The following GPC5 variants were observed in gnomAD, a reference collection of about 807,000 sequenced individuals.
The protein encoded by GPC5 is glypican-5.
In GPC5, 47 loss-of-function variants were observed where a neutral mutation model predicts 53.9. That is an observed-to-expected ratio of 0.87 (90% CI 0.69 to 1.11). The LOEUF is 1.11. GPC5 is among the 50% of genes most tolerant of loss of function. GPC5 has a pLI of 0.00. For missense variants in GPC5, 748 were observed against 713.1 expected, an observed-to-expected ratio of 1.05 and a Z score of -0.56; for synonymous variants, 286 against 263.3, an observed-to-expected ratio of 1.09 and a Z score of -0.84.
chr13:91,735,577 T>C (rs2036796733), intron 4 of GPC5, among the ~76,000 whole-genome samples: 1 of 151,460 alleles, frequency 6.6e-6, no homozygotes, highest in Admixed American at 6.6e-5. Flanking sequence ...AAATATAGTA[T>C]CTTTTTGTTG....
At chr13:92,300,243 A>G (rs2043066414) in intron 7 of GPC5, among the ~76,000 whole-genome samples, 1 of 152,068 alleles carries the variant, frequency 6.6e-6, no homozygotes, top group South Asian at 2.1e-4. Context: ...ACATTGCAAA[A>G]CACACTGCAC....
intron 2 of GPC5, among the ~76,000 whole-genome samples, chr13:91,490,218 G>A (rs970057046): frequency 2.6e-5 from 4 of 152,118 alleles, no homozygotes; most frequent in Non-Finnish European, 4.4e-5. Context: ...ATGATGGATG[G>A]AAATAGAATT....
chr13:92,442,575 T>C (rs1877618037), intron 7 of GPC5, among the ~76,000 whole-genome samples: 1 of 152,198 alleles, frequency 6.6e-6, no homozygotes, highest in Non-Finnish European at 1.5e-5. Context: ...TACCAGGATA[T>C]AGGATTCTTC....
At chr13:92,680,241 T>G (rs1887072853) in intron 7 of GPC5, among the ~76,000 whole-genome samples, 1 of 152,200 alleles carries the variant, frequency 6.6e-6, no homozygotes, top group Non-Finnish European at 1.5e-5. Flanking sequence ...CTTTTGTTAC[T>G]CTTATATCAA....
intron 2 of GPC5, among the ~76,000 whole-genome samples, chr13:91,507,795 T>C (rs1885021061): frequency 6.6e-6 from 1 of 152,204 alleles, no homozygotes; most frequent in South Asian, 2.1e-4. Flanking sequence ...TAGCAGTATA[T>C]TTGTGAGTCA....
At chr13:92,226,431 T>G (rs1389392617) in intron 7 of GPC5, among the ~76,000 whole-genome samples, 1 of 152,166 alleles carries the variant, frequency 6.6e-6, no homozygotes, top group Non-Finnish European at 1.5e-5. Flanking sequence ...GTTATACACC[T>G]ACAACTTTAA....
At chr13:91,405,701 CT>C (rs755312466) in intron 1 of GPC5, among the ~76,000 whole-genome samples, 1 of 152,132 alleles carries the variant, frequency 6.6e-6, no homozygotes, top group Non-Finnish European at 1.5e-5. Context: ...GGCATGTGAT[CT>C]GTGCAGTCAA....
intron 6 of GPC5, among the ~76,000 whole-genome samples, chr13:91,975,644 G>T (rs2040292912): frequency 6.6e-6 from 1 of 152,194 alleles, no homozygotes; most frequent in African/African-American, 2.4e-5. Flanking sequence ...AGGATGTGGA[G>T]AAATAGGAAC....
chr13:91,938,397 C>T (rs1040776568), intron 6 of GPC5, among the ~76,000 whole-genome samples: 2 of 152,128 alleles, frequency 1.3e-5, no homozygotes, highest in African/African-American at 4.8e-5. Context: ...AGGCAGGCAC[C>T]ATGCTATTCA....
intron 7 of GPC5, among the ~76,000 whole-genome samples, chr13:92,203,830 A>C (rs1288348363): frequency 2.6e-5 from 4 of 151,338 alleles, no homozygotes; most frequent in African/African-American, 9.7e-5. Context: ...CAATCACATC[A>C]ATGGTGAATC....
chr13:91,612,883 G>A (rs1594331272), intron 2 of GPC5, among the ~76,000 whole-genome samples: 1 of 152,140 alleles, frequency 6.6e-6, no homozygotes, highest in Non-Finnish European at 1.5e-5. Flanking sequence ...CAGAACATCT[G>A]TCCATATCTG....
intron 7 of GPC5, among the ~76,000 whole-genome samples, chr13:92,223,396 C>T (rs2042463016): frequency 6.6e-6 from 1 of 152,132 alleles, no homozygotes; most frequent in Non-Finnish European, 1.5e-5. Flanking sequence ...TTATTAGTGA[C>T]AGAACTTTAT....
At chr13:92,424,757 A>T (rs951593413) in intron 7 of GPC5, among the ~76,000 whole-genome samples, 1 of 151,854 alleles carries the variant, frequency 6.6e-6, no homozygotes, top group South Asian at 2.1e-4. Context: ...CTTTGCTTAC[A>T]TACTTTGATT....
At chr13:92,805,618 T>G (rs1161707521) in intron 7 of GPC5, among the ~76,000 whole-genome samples, 2 of 151,890 alleles carry the variant, frequency 1.3e-5, no homozygotes, top group African/African-American at 4.8e-5. Context: ...TTATTTTTTT[T>G]GTAGAGATCG....
chr13:92,757,063 A>C lies in GPC5; in HGVS notation c.1562-109219A>C, dbSNP rs867830698. ...AAAAGAACAAAGCTGGAGGCATCAC[A>C]CTACCTGACTTCAAACTATACTACA... is the stretch of plus-strand genomic sequence containing the variant. On this transcript the variant is annotated intron_variant, in intron 7 of 7. Transcript: ENST00000377067. 7.1e-3 allele frequency among the ~76,000 whole-genome samples: 1,079 copies of C among 151,450 alleles called. 9 individuals carry two copies. The highest frequency in any genetic ancestry group is 0.023 in the African/African-American group (944 of 41,398).
At chr13:92,763,651 C>G (rs1339525315) in intron 7 of GPC5, among the ~76,000 whole-genome samples, 1 of 152,116 alleles carries the variant, frequency 6.6e-6, no homozygotes, top group Non-Finnish European at 1.5e-5. Flanking sequence ...ACTTTGCCAC[C>G]TGGGTCTTGT....
At chr13:91,492,062 C>T (rs1001977317) in intron 2 of GPC5, among the ~76,000 whole-genome samples, 4 of 152,064 alleles carry the variant, frequency 2.6e-5, no homozygotes. Flanking sequence ...TCTATTTTAG[C>T]CCCTATTACA....
At chr13:92,672,805 T>C (rs992077138) in intron 7 of GPC5, among the ~76,000 whole-genome samples, 13 of 152,168 alleles carry the variant, frequency 8.5e-5, no homozygotes, top group African/African-American at 2.7e-4. Context: ...ACACCGCATG[T>C]TCTCATTTAT....
intron 7 of GPC5, among the ~76,000 whole-genome samples, chr13:92,189,745 A>T (rs1394290528): frequency 6.6e-6 from 1 of 152,154 alleles, no homozygotes; most frequent in Non-Finnish European, 1.5e-5. Flanking sequence ...GAACAGATGG[A>T]TAATGTAACC....
Sources: allele counts gnomAD v4.1 joint callset (sites outside exome capture counted in the v4.1 genomes callset), GRCh38; gene constraint gnomAD v4.1.1; transcripts MANE v1.5; gene names NCBI Gene and HGNC (gene_info 2026-07-23, HGNC 2026-07-21).